Variants in FOXN3 observed in about 807,000 individuals in gnomAD.
FOXN3 encodes the protein forkhead box protein N3.
Under a neutral mutation model 38.4 loss-of-function variants are expected in FOXN3, and 7 were observed. The ratio of observed to expected loss-of-function variants is 0.18; its 90% CI spans 0.10 to 0.34. The LOEUF (loss-of-function observed/expected upper bound fraction) is 0.34, where lower values mean the gene tolerates loss of function less well. FOXN3 is among the 10% of genes least tolerant of loss of function. FOXN3 has a pLI of 1.00. For missense variants in FOXN3, 456 were observed against 613.4 expected (o/e 0.74, Z 2.71); for synonymous variants, 230 against 242.2 (o/e 0.95, Z 0.47).
At chr14:89,600,420 T>C (rs1313348643) in intron 1 of FOXN3, among the ~76,000 whole-genome samples, 1 of 152,236 alleles carries the variant, frequency 6.6e-6, no homozygotes, top group African/African-American at 2.4e-5. Context: ...ATTAATCTGA[T>C]GCCCCATGGA....
chr14:89,378,244 G>T (rs565478019), intron 2 of FOXN3, among the ~76,000 whole-genome samples: 1 of 152,326 alleles, frequency 6.6e-6, no homozygotes, highest in South Asian at 2.1e-4. Flanking sequence ...TCCCAGGATA[G>T]TACGTGAGTG....
At chr14:89,178,806 C>T (rs1364212758) in intron 5 of FOXN3, among the ~76,000 whole-genome samples, 1 of 152,118 alleles carries the variant, frequency 6.6e-6, no homozygotes, top group Non-Finnish European at 1.5e-5. Context: ...CTTTTCTGTG[C>T]CCTTCTATAA....
chr14:89,405,924 G>A (rs951715394), intron 2 of FOXN3, among the ~76,000 whole-genome samples: 1 of 152,124 alleles, frequency 6.6e-6, no homozygotes, highest in Non-Finnish European at 1.5e-5. Flanking sequence ...GCCAAGCATG[G>A]TGGCTCACAA....
chr14:89,353,086 G>A (rs1257839561), intron 2 of FOXN3, among the ~76,000 whole-genome samples: 1 of 152,244 alleles, frequency 6.6e-6, no homozygotes, highest in African/African-American at 2.4e-5. Context: ...TCCAGATGCA[G>A]AGAGGCAGGC....
chr14:89,419,914 G>C (rs1428218189), upstream of FOXN3: 1 of 152,262 alleles, frequency 6.6e-6, no homozygotes, highest in Non-Finnish European at 1.5e-5. Context: ...CAGTCGGGAA[G>C]ACCTGAGAGA....
At chr14:89,378,055 A>C (rs1453414354) in intron 2 of FOXN3, among the ~76,000 whole-genome samples, 2 of 152,222 alleles carry the variant, frequency 1.3e-5, no homozygotes, top group African/African-American at 4.8e-5. Flanking sequence ...GAGAAAATAA[A>C]TTCCTTTTAT....
rs10141359 is a variant in FOXN3, at chr14:89,472,113, G to A, written c.-14-59623C>T. 9.9e-3 allele frequency among the ~76,000 whole-genome samples: 1,508 copies of A among 152,224 alleles called. 26 individuals carry two copies. The highest frequency in any genetic ancestry group is 0.034 in the African/African-American group (1,414 of 41,532). On this transcript the variant is annotated intron_variant, in intron 1 of 6. Transcript: ENST00000345097. Reference sequence around the variant, plus strand: ...TCTACTAAAAATACAAAAATTAGCTGGCATGGTGGCGGGTGCCTGTAATCC... The same window carrying A: ...TCTACTAAAAATACAAAAATTAGCTAGCATGGTGGCGGGTGCCTGTAATCC...
At chr14:89,248,484 C>G (rs1038896551) in intron 4 of FOXN3, among the ~76,000 whole-genome samples, 1 of 152,252 alleles carries the variant, frequency 6.6e-6, no homozygotes, top group Non-Finnish European at 1.5e-5. Flanking sequence ...TCAAATTCAG[C>G]TTTAAGCTGA....
intron 1 of FOXN3, among the ~76,000 whole-genome samples, chr14:89,617,102 C>T (rs973369542): frequency 3.9e-5 from 6 of 152,032 alleles, no homozygotes; most frequent in Non-Finnish European, 8.8e-5. Context: ...TTACTCCTCT[C>T]GGTTTCCATA....
chr14:89,595,328 A>C (rs1896036741), intron 1 of FOXN3, among the ~76,000 whole-genome samples: 1 of 152,114 alleles, frequency 6.6e-6, no homozygotes, highest in Non-Finnish European at 1.5e-5. Context: ...CCATCTCAAA[A>C]AAAAAAAAGA....
chr14:89,580,771 T>G (rs1157487385), intron 1 of FOXN3, among the ~76,000 whole-genome samples: 1 of 152,226 alleles, frequency 6.6e-6, no homozygotes. Context: ...CTAAATCAAA[T>G]TAAATCTGGA....
At chr14:89,374,835 G>A (rs1045967504) in intron 2 of FOXN3, among the ~76,000 whole-genome samples, 1 of 152,014 alleles carries the variant, frequency 6.6e-6, no homozygotes, top group South Asian at 2.1e-4. Flanking sequence ...AAATTAGCCA[G>A]GTGTGGTGGC....
chr14:89,238,707 T>G (rs1885050703), intron 4 of FOXN3, among the ~76,000 whole-genome samples: 1 of 152,196 alleles, frequency 6.6e-6, no homozygotes, highest in Admixed American at 6.5e-5. Flanking sequence ...GGTTGTGAGT[T>G]TAACGAATTA....
At chr14:89,309,534 C>T (rs1043535251) in intron 3 of FOXN3, among the ~76,000 whole-genome samples, 1 of 148,042 alleles carries the variant, frequency 6.8e-6, no homozygotes, top group Non-Finnish European at 1.5e-5. Context: ...CTGAACACTT[C>T]GTTAACTGGG....
intron 2 of FOXN3, among the ~76,000 whole-genome samples, chr14:89,357,791 A>G (rs1410002845): frequency 4.6e-5 from 7 of 152,172 alleles, no homozygotes; most frequent in Admixed American, 4.6e-4. Context: ...ATACTTTGTG[A>G]TGTTCTCATG....
chr14:89,564,179 GA>G (rs1466147811), intron 1 of FOXN3, among the ~76,000 whole-genome samples: 3 of 151,806 alleles, frequency 2.0e-5, no homozygotes, highest in Non-Finnish European at 4.4e-5. Context: ...TAAGTGAGGG[GA>G]TAGTGAAAAA....
intron 4 of FOXN3, among the ~76,000 whole-genome samples, chr14:89,182,823 C>T (rs1445906903): frequency 2.0e-5 from 3 of 152,176 alleles, no homozygotes; most frequent in Non-Finnish European, 2.9e-5. Context: ...TAGACTCACA[C>T]GCATGTGGTC....
chr14:89,454,156 T>C (rs1271485335), intron 1 of FOXN3, among the ~76,000 whole-genome samples: 3 of 152,078 alleles, frequency 2.0e-5, no homozygotes, highest in Admixed American at 6.5e-5. Context: ...ATACAAAAAT[T>C]AGCCGGGCAT....
chr14:89,424,413 T>A (rs7151849), intron 1 of FOXN3, among the ~76,000 whole-genome samples: 80,239 of 152,068 alleles, frequency 0.53, 22,251 homozygotes, highest in Admixed American at 0.6. Flanking sequence ...CCTGGTGCTC[T>A]GAGCAAACAG....
Sources: allele counts gnomAD v4.1 joint callset (sites outside exome capture counted in the v4.1 genomes callset), GRCh38; gene constraint gnomAD v4.1.1; transcripts MANE v1.5; gene names NCBI Gene and HGNC (gene_info 2026-07-23, HGNC 2026-07-21).